PKD1L3: variants seen among roughly 807,000 people sequenced by gnomAD.
The protein encoded by PKD1L3 is polycystin 1 like 3, transient receptor potential channel interacting.
A neutral mutation model predicts 184.1 loss-of-function variants in PKD1L3; 239 were observed. That is an observed-to-expected ratio of 1.30 (90% confidence interval 1.17 to 1.45). The LOEUF (loss-of-function observed/expected upper bound fraction) is 1.45, where lower values mean the gene tolerates loss of function less well. Ranked by LOEUF, PKD1L3 falls within the 40% of genes most tolerant of loss-of-function variation. PKD1L3 has a pLI of 0.00. For synonymous variants in PKD1L3, 996 were observed against 778.8 expected (o/e 1.28, Z -4.64); for missense variants, 2,660 against 2,067.2 (o/e 1.29, Z -5.56).
chr16:71,961,630 T>G (rs2039283754), intron 16 of PKD1L3, among the ~76,000 whole-genome samples: 1 of 152,028 alleles, frequency 6.6e-6, no homozygotes, highest in African/African-American at 2.4e-5. Flanking sequence ...CCTGCTGACC[T>G]TGTGAGCGAA....
At chr16:71,994,099 G>T (rs2040693557) in intron 2 of PKD1L3, among the ~76,000 whole-genome samples, 1 of 152,138 alleles carries the variant, frequency 6.6e-6, no homozygotes, top group South Asian at 2.1e-4. Context: ...ATGCCTCCTT[G>T]CATACACGAG....
intron 16 of PKD1L3, among the ~76,000 whole-genome samples, chr16:71,959,798 TA>T (rs1385008549): frequency 3.3e-5 from 5 of 152,056 alleles, no homozygotes; most frequent in African/African-American, 4.8e-5. Context: ...ATACAATGTA[TA>T]GTTTCTAAAC....
In PKD1L3 at chr16:71,949,692, T is replaced by C. The variant is rs563200967; in HGVS notation, c.3618+91A>G. 7 of 1,199,456 alleles carry C rather than the reference T, an allele frequency of 5.8e-6. No homozygotes were observed. The African/African-American group carries it at 9.2e-5, about 16-fold the overall frequency. 74.3% of individuals were successfully genotyped at this position (1,199,456 alleles called of 1,614,324 possible). ...GTTTTTTGTTGTTTATGTTACATTG[T>C]CAAAACCACTAGGCACCTTGGATTG... On this transcript the variant is annotated intron_variant, in intron 21 of 29. Transcript: ENST00000620267.
chr16:71,993,110 T>C (rs1258706398), intron 3 of PKD1L3, 106 bp downstream of exon 3: 2 of 765,280 alleles, frequency 2.6e-6, no homozygotes, highest in East Asian at 3.0e-5. Context: ...CAACGAATAT[T>C]GGGCACATGT....
intron 10 of PKD1L3, 23 bp downstream of exon 10, chr16:71,978,232 A>G (rs1159439609): frequency 6.5e-7 from 1 of 1,542,734 alleles, no homozygotes; most frequent in Non-Finnish European, 8.8e-7. Context: ...CTTCTATTTT[A>G]TTCCCTAAGA....
Position 71,950,319 on chromosome 16 carries a change from A to C in PKD1L3, c.3191-9T>G. On this transcript the variant is annotated splice_polypyrimidine_tract_variant and intron_variant, in intron 19 of 29. Transcript: ENST00000620267. ...GTGGTTTTCAGGAACAACTGAAAAT[A>C]TATTTCAAGTTGACACTTTCACAAG... 1 of 1,510,758 alleles carries C rather than the reference A, an allele frequency of 6.6e-7. No individual in the cohort carries two copies. Among genetic ancestry groups the C allele is most frequent in the East Asian group, 2.5e-5 (1 of 40,242 alleles). 93.6% of individuals were successfully genotyped at this position (1,510,758 alleles called of 1,614,324 possible). A position where few individuals can be genotyped will look rare whatever the true frequency, so the allele number is the denominator to read the frequency against.
At chr16:71,962,896 T>C (rs1567518457) in intron 16 of PKD1L3, among the ~76,000 whole-genome samples, 4 of 152,234 alleles carry the variant, frequency 2.6e-5, no homozygotes. Flanking sequence ...ATCCTTTTTA[T>C]ATTCCATTGA....
Position 71,998,302 on chromosome 16 carries a change from A to C in PKD1L3, c.388T>G (p.Leu130Val), listed in dbSNP as rs1269242992. ...TGGCAAATGAAATAGTATTTCAGTA[A>C]GCACTTGTCCCCTTTGGATGAGATC... is the stretch of plus-strand genomic sequence containing the variant. ...IRISSKGDKC[L>V]LKYYFICQTG... is the part of the protein sequence containing the mutation. Residue 130 changes from leucine (L) to valine (V), a missense_variant, in exon 2 of 30, where the codon TTA (leucine) becomes GTA (valine). Coordinates refer to ENST00000620267, the MANE Select transcript of PKD1L3 (RefSeq NM_181536.2). 1 of 1,552,280 alleles carries C rather than the reference A, an allele frequency of 6.4e-7. No homozygotes were observed. The highest frequency in any genetic ancestry group is 2.4e-5 in the East Asian group (1 of 40,926).
intron 23 of PKD1L3, among the ~76,000 whole-genome samples, 184 bp from the exon 24 acceptor site, chr16:71,943,208 T>C (rs573684847): frequency 1.1e-4 from 16 of 152,202 alleles, no homozygotes; most frequent in Middle Eastern, 3.4e-3. Context: ...CCAGAATTAT[T>C]CTGCCACTAA....
chr16:71,949,807 G>A lies in PKD1L3; in HGVS notation c.3594C>T (p.Asn1198=). Residue 1198 remains asparagine, a synonymous_variant, in exon 21 of 30, where the codon AAC becomes AAT. Coordinates refer to ENST00000620267, the MANE Select transcript of PKD1L3 (RefSeq NM_181536.2). The part of the protein sequence containing the change: ...MISIILSVLQ[N]IFISQPVKVV... The stretch of plus-strand genomic sequence containing the variant: ...CCTTTACTGGCTGGCTGATGAAGAT[G>A]TTCTGAAGCACTGATAAAATAATTG... 1 of 1,550,954 alleles carries A rather than the reference G, an allele frequency of 6.4e-7. No individual in the cohort carries two copies. Among genetic ancestry groups the A allele is most frequent in the Non-Finnish European group, 8.7e-7 (1 of 1,146,866 alleles).
At chr16:71,997,159 T>C (rs2040815723) in intron 2 of PKD1L3, among the ~76,000 whole-genome samples, 1 of 152,136 alleles carries the variant, frequency 6.6e-6, no homozygotes, top group South Asian at 2.1e-4. Context: ...ATCTGAATTG[T>C]TTCCAGTTTT....
rs771000543 is a variant in PKD1L3, at chr16:71,954,262, C to T, written c.2652G>A (p.Gln884=). Residue 884 remains glutamine (Q), a synonymous_variant, in exon 17 of 30, where the codon CAG becomes CAA. Transcript: ENST00000620267. ...TTGCAATTGAAAGCCACAGATAATC[C>T]TGGGTGAACTTTTCCACAATCATGG... ...FSSMIVEKFT[Q]DYLWLSIATR... is the part of the protein sequence containing the mutation. The T allele has an allele frequency of 1.9e-6, 3 of 1,547,096 alleles. No individual in the cohort carries two copies. In the South Asian group the frequency reaches 3.6e-5, roughly 19 times the overall value.
chr16:71,997,841 C>T (rs1400560385), intron 2 of PKD1L3, among the ~76,000 whole-genome samples: 1 of 152,150 alleles, frequency 6.6e-6, no homozygotes, highest in Non-Finnish European at 1.5e-5. Context: ...TAGCTTAATC[C>T]TGATCTACTT....
chr16:71,967,923 C>T lies in PKD1L3; in HGVS notation c.2269G>A (p.Ala757Thr), dbSNP rs201602319. Residue 757 changes from alanine (A) to threonine (T), a missense_variant, in exon 14 of 30, where the codon GCT becomes ACT. Ala to Thr is a moderately conservative substitution (Grantham distance 58). Coordinates refer to ENST00000620267, the MANE Select transcript of PKD1L3 (RefSeq NM_181536.2). ...IQVYTGYRRS[A>T]ATTAKVVITL... ...TCATTAACCTTAGCTGTTGTAGCAG[C>T]GCTTCTTCGATATCCGGTGTAGACC... The T allele has an allele frequency of 9.1e-5, 141 of 1,550,772 alleles. No homozygotes were observed. The highest frequency in any genetic ancestry group is 3.5e-4 in the Admixed American group (18 of 50,908).
chr16:71,958,665 C>T (rs1389607133), intron 16 of PKD1L3, among the ~76,000 whole-genome samples: 1 of 149,700 alleles, frequency 6.7e-6, no homozygotes, highest in Non-Finnish European at 1.5e-5. Context: ...CCTGTAATCC[C>T]AGCTACTCAG....
chr16:71,987,585 A>T (rs1182498596), intron 4 of PKD1L3, among the ~76,000 whole-genome samples: 1 of 151,778 alleles, frequency 6.6e-6, no homozygotes, highest in African/African-American at 2.4e-5. Flanking sequence ...CATGTTGCCC[A>T]GGCTGGTCTC....
Position 71,997,721 on chromosome 16 carries a change from C to G in PKD1L3, c.418+551G>C, listed in dbSNP as rs184147063. On this transcript the variant is annotated intron_variant, in intron 2 of 29. Coordinates refer to ENST00000620267, the MANE Select transcript of PKD1L3 (RefSeq NM_181536.2). ...CGAGATTGTGCCATTGCACTCCAGC[C>G]TGGGCAACAAGAGCAAAACTCAGTC... Among the ~76,000 whole-genome samples, 13 of 151,860 alleles carry G rather than the reference C, an allele frequency of 8.6e-5. No individual in the cohort carries two copies. The East Asian group carries it at 2.3e-3, about 27-fold the overall frequency.
At chr16:71,952,384 T>A (rs1248414685) in intron 18 of PKD1L3, among the ~76,000 whole-genome samples, 1 of 151,262 alleles carries the variant, frequency 6.6e-6, no homozygotes. Flanking sequence ...GGCTAATTAT[T>A]ATTTTTTTGT....
chr16:71,942,552 C>A lies in PKD1L3; in HGVS notation c.4324+8G>T. The A allele has an allele frequency of 6.5e-7, 1 of 1,545,340 alleles. No homozygotes were observed. The highest frequency in any genetic ancestry group is 8.8e-7 in the Non-Finnish European group (1 of 1,141,896). ...GTGTGGTTGAATTCCAGGGGTCACT[C>A]CAGTTACCTCTCATGATGTAACTGA... On this transcript the variant is annotated splice_region_variant and intron_variant, in intron 24 of 29. Coordinates refer to ENST00000620267, the MANE Select transcript of PKD1L3 (RefSeq NM_181536.2).
Sources: gnomAD v4.1 joint callset for allele counts (sites outside exome capture counted in the v4.1 genomes callset) on GRCh38, gnomAD v4.1.1 for gene constraint, MANE v1.5 for transcripts, NCBI Gene and HGNC (gene_info 2026-07-23, HGNC 2026-07-21) for gene names.